CDCA2: variants seen among roughly 807,000 people sequenced by gnomAD.
CDCA2 encodes the protein cell division cycle associated 2.
In CDCA2, 44 loss-of-function variants were observed where a neutral mutation model predicts 67.0. That is an observed-to-expected ratio of 0.66 (90% confidence interval 0.52 to 0.84). CDCA2 has a LOEUF of 0.84. Among genes scored for constraint, CDCA2 ranks in the 40% least tolerant of loss-of-function variants. The pLI is 0.00. For synonymous variants in CDCA2, 447 were observed against 418.7 expected (o/e 1.07, Z -0.82); for missense variants, 1,253 against 1,203.2 (o/e 1.04, Z -0.61).
chr8:25,465,253 C>T (rs1802854733), intron 4 of CDCA2, among the ~76,000 whole-genome samples: 1 of 152,208 alleles, frequency 6.6e-6, no homozygotes. Context: ...GGATTACATG[C>T]ATGAGCCACT....
intron 13 of CDCA2, among the ~76,000 whole-genome samples, chr8:25,491,472 A>C (rs958870430): frequency 1.3e-5 from 2 of 152,200 alleles, no homozygotes; most frequent in Non-Finnish European, 2.9e-5. Context: ...CCAGAGTGGC[A>C]TCAAGACTAG....
At position 25,467,317 on chromosome 8, in the gene CDCA2, C is replaced by T. The variant is rs554143365; in HGVS notation, c.539-900C>T. On this transcript the variant is annotated intron_variant, in intron 5 of 14. Coordinates refer to ENST00000330560, the MANE Select transcript of CDCA2 (RefSeq NM_152562.4). Reference sequence around the variant, plus strand: ...AACCATCTTTAAGTGCATTTCAGCACCTCCCATGAGGATTGCTCTGTTAGC... The same window carrying T: ...AACCATCTTTAAGTGCATTTCAGCATCTCCCATGAGGATTGCTCTGTTAGC... Among the ~76,000 whole-genome samples the T allele has an allele frequency of 2.6e-5, 4 of 152,250 alleles. No individual in the cohort carries two copies. The East Asian group carries it at 7.7e-4, about 29-fold the overall frequency.
rs751771766 is a variant in CDCA2, at chr8:25,468,358, T to G, written c.680T>G (p.Phe227Cys). ...GGAAAAGTAATTGGTCTCCAGATATTCAATATTGATACAGACAGAGCATGT... is the reference window on the plus strand; with the variant it reads ...GGAAAAGTAATTGGTCTCCAGATATGCAATATTGATACAGACAGAGCATGT... The part of the protein sequence containing the change: ...AEGKVIGLQI[F>C]NIDTDRACAV... Residue 227 changes from phenylalanine (F) to cysteine (C), a missense_variant, in exon 6 of 15, where the codon TTC (phenylalanine) becomes TGC (cysteine). Physicochemically the swap from Phe to Cys is radical, Grantham distance 205. Coordinates refer to ENST00000330560, the MANE Select transcript of CDCA2 (RefSeq NM_152562.4). 2 of 1,613,674 alleles carry G rather than the reference T, an allele frequency of 1.2e-6. No individual in the cohort carries two copies. The highest frequency in any genetic ancestry group is 1.7e-5 in the Admixed American group (1 of 59,970).
In CDCA2 at chr8:25,467,155, CT is replaced by C. The variant is rs914152568; in HGVS notation, c.538+840del. Among the ~76,000 whole-genome samples, 386 of 143,542 alleles carry C rather than the reference CT, an allele frequency of 2.7e-3. 1 individual carries two copies. Among genetic ancestry groups the C allele is most frequent in the East Asian group, 8.2e-3 (38 of 4,624 alleles). The allele number at this position is 143,542 out of a possible 152,430, so 94.2% of individuals were successfully genotyped here. Reference sequence around the variant, plus strand: ...TAATTCATTTGGTTGTTTTTTCAGTCTTTTTTTTTTCCCCCCCAATCACGAA... The same window carrying C: ...TAATTCATTTGGTTGTTTTTTCAGTCTTTTTTTTTCCCCCCCAATCACGAA... On this transcript the variant is annotated intron_variant, in intron 5 of 14. Transcript: ENST00000330560.
At chr8:25,469,478 A>G (rs1803065743) in intron 6 of CDCA2, among the ~76,000 whole-genome samples, 3 of 152,204 alleles carry the variant, frequency 2.0e-5, no homozygotes, top group Admixed American at 1.3e-4. Context: ...CCTAGCCTTT[A>G]ATGTTTTTCA....
At chr8:25,483,062 T>C (rs756783936) in intron 8 of CDCA2, among the ~76,000 whole-genome samples, 6 of 152,196 alleles carry the variant, frequency 3.9e-5, no homozygotes, top group Non-Finnish European at 7.4e-5. Flanking sequence ...CCCATAGATA[T>C]TGAGCAATGA....
At chr8:25,488,440 A>G in intron 12 of CDCA2, 112 bp from the exon 13 acceptor site, 1 of 919,786 alleles carries the variant, frequency 1.1e-6, no homozygotes, top group Non-Finnish European at 1.5e-6. Flanking sequence ...TTAAGAATAA[A>G]TGGGATCTAA....
In CDCA2 at chr8:25,468,374, CAG is replaced by C; in HGVS notation, c.699_700del (p.Arg233SerfsTer5). ...TCCAGATATTCAATATTGATACAGA[CAG>C]AGCATGTGCAGTTGAAACTTCTGTA... Reference protein sequence around the residue: ...GLQIFNIDTDRACAVETSVDL... With the variant: ...GLQIFNIDTDXACAVETSVDL... On this transcript the variant is annotated frameshift_variant, in exon 6 of 15. Coordinates refer to ENST00000330560, the MANE Select transcript of CDCA2 (RefSeq NM_152562.4). LOFTEE classifies it high-confidence loss of function. The C allele has an allele frequency of 6.2e-7, 1 of 1,613,318 alleles. No homozygotes were observed. Among genetic ancestry groups the C allele is most frequent in the East Asian group, 2.2e-5 (1 of 44,838 alleles).
intron 4 of CDCA2, 83 bp from the exon 5 acceptor site, chr8:25,466,092 T>C: frequency 6.8e-6 from 9 of 1,318,506 alleles, no homozygotes; most frequent in Non-Finnish European, 9.4e-6. Context: ...CTGTATTTAA[T>C]TTTGGATTCA....
In CDCA2 at chr8:25,507,496, T is replaced by A; in HGVS notation, c.2830T>A (p.Ser944Thr). 6.2e-7 allele frequency: 1 copy of A among 1,613,860 alleles called. No individual in the cohort carries two copies. Among genetic ancestry groups the A allele is most frequent in the Non-Finnish European group, 8.5e-7 (1 of 1,179,944 alleles). ...GTCTCCCATAAAAGAAACTGTGTCC[T>A]CCAGACAAAAACCGCAGATGGCACC... Reference protein sequence around the residue: ...SMSPIKETVSSRQKPQMAPPV... With the variant: ...SMSPIKETVSTRQKPQMAPPV... The change falls in exon 15 of 15, where the codon TCC (serine) becomes ACC (threonine). Residue 944 changes from serine (S) to threonine (T), a missense_variant. By Grantham distance (58) the Ser-to-Thr change is moderately conservative. Transcript: ENST00000330560.
In CDCA2 at chr8:25,507,638, A is replaced by C; in HGVS notation, c.2972A>C (p.Gln991Pro). The C allele has an allele frequency of 6.2e-7, 1 of 1,614,244 alleles. No homozygotes were observed. The highest frequency in any genetic ancestry group is 8.5e-7 in the Non-Finnish European group (1 of 1,180,038). The change falls in exon 15 of 15, where the codon CAG (glutamine) becomes CCG (proline). Residue 991 changes from glutamine to proline, a missense_variant. Gln to Pro is a moderately conservative substitution (Grantham distance 76). Transcript: ENST00000330560. ...CTTGCAAATACTAAAGCCACTTCCC[A>C]GTTCAAAGGCTACCGGAGAAGATCC... Reference protein sequence around the residue: ...STLANTKATSQFKGYRRRSSL... With the variant: ...STLANTKATSPFKGYRRRSSL...
At chr8:25,481,096 A>G (rs1803549676) in intron 8 of CDCA2, among the ~76,000 whole-genome samples, 1 of 152,146 alleles carries the variant, frequency 6.6e-6, no homozygotes, top group Non-Finnish European at 1.5e-5. Context: ...GTCAATTGCT[A>G]TTTGTAAAGC....
chr8:25,506,646 C>T lies in CDCA2; in HGVS notation c.1980C>T (p.Cys660=). The change falls in exon 15 of 15, where the codon TGC becomes TGT. Residue 660 remains cysteine, a synonymous_variant. Coordinates refer to ENST00000330560, the MANE Select transcript of CDCA2 (RefSeq NM_152562.4). ...ATAAATATGATGTCTCTGAATTCTG[C>T]TCTTATATAAAAAGTTCCTCATCGC... is the stretch of plus-strand genomic sequence containing the variant. ...GYDKYDVSEF[C]SYIKSSSSLG... The T allele has an allele frequency of 6.2e-7, 1 of 1,613,506 alleles. No homozygotes were observed. The highest frequency in any genetic ancestry group is 2.2e-5 in the East Asian group (1 of 44,864).
At chr8:25,466,143 TA>T in intron 4 of CDCA2, 31 bp from the exon 5 acceptor site, 1 of 1,575,788 alleles carries the variant, frequency 6.3e-7, no homozygotes, top group South Asian at 1.2e-5. Context: ...GAATTGATTA[TA>T]ATACTCCTTG....
chr8:25,506,840 A>T lies in CDCA2; in HGVS notation c.2174A>T (p.Asp725Val), dbSNP rs1804700000. Reference protein sequence around the residue: ...ASVTEERVASDSPKPALTLQQ... With the variant: ...ASVTEERVASVSPKPALTLQQ... Reference sequence around the variant, plus strand: ...GTAACTGAAGAACGTGTGGCATCAGATAGTCCCAAACCTGCTCTGACCCTG... The same window carrying T: ...GTAACTGAAGAACGTGTGGCATCAGTTAGTCCCAAACCTGCTCTGACCCTG... The change falls in exon 15 of 15, where the codon GAT becomes GTT. Residue 725 changes from aspartate (D) to valine (V), a missense_variant. By Grantham distance (152) the Asp-to-Val change is radical. Coordinates refer to ENST00000330560, the MANE Select transcript of CDCA2 (RefSeq NM_152562.4). 7 of 1,613,966 alleles carry T rather than the reference A, an allele frequency of 4.3e-6. No homozygotes were observed. The highest frequency in any genetic ancestry group is 5.9e-6 in the Non-Finnish European group (7 of 1,180,032).
At chr8:25,461,364 TAGATGGAAA>T (rs1802681402) in intron 3 of CDCA2, among the ~76,000 whole-genome samples, 1 of 151,794 alleles carries the variant, frequency 6.6e-6, no homozygotes, top group African/African-American at 2.4e-5. Flanking sequence ...AAGTCTGACT[TAGATGGAAA>T]AGAAGGAAAT....
chr8:25,468,519 C>T (rs893897755), intron 6 of CDCA2, 106 bp downstream of exon 6: 24 of 692,482 alleles, frequency 3.5e-5, no homozygotes, highest in Non-Finnish European at 4.5e-5. Context: ...TTGTTCTGCC[C>T]TGTGGTTCCT....
At position 25,506,748 on chromosome 8, in the gene CDCA2, A is replaced by G; in HGVS notation, c.2082A>G (p.Ala694=). The G allele has an allele frequency of 6.2e-7, 1 of 1,613,162 alleles. No individual in the cohort carries two copies. The highest frequency in any genetic ancestry group is 1.3e-5 in the African/African-American group (1 of 74,962). The stretch of plus-strand genomic sequence containing the variant: ...ATGAAAATAAAAATATTCCAAAAGC[A>G]AAAAATAAGTCAGAAAGTGAAAATG... The part of the protein sequence containing the change: ...NINENKNIPK[A]KNKSESENEP... Residue 694 remains alanine (A), a synonymous_variant, in exon 15 of 15, where the codon GCA becomes GCG. Coordinates refer to ENST00000330560, the MANE Select transcript of CDCA2 (RefSeq NM_152562.4).
chr8:25,469,981 G>A lies in CDCA2; in HGVS notation c.820+1G>A. 3.8e-6 allele frequency: 6 copies of A among 1,593,398 alleles called. No homozygotes were observed. The highest frequency in any genetic ancestry group is 5.2e-6 in the Non-Finnish European group (6 of 1,162,634). Reference sequence around the variant, plus strand: ...TCAGAGCTCACAGAGACTTCAAATGGTAAGTAATCTTTTCTTAGTACATGG... The same window carrying A: ...TCAGAGCTCACAGAGACTTCAAATGATAAGTAATCTTTTCTTAGTACATGG... On this transcript the variant is annotated splice_donor_variant, in intron 7 of 14. Coordinates refer to ENST00000330560, the MANE Select transcript of CDCA2 (RefSeq NM_152562.4). LOFTEE classifies it high-confidence loss of function.
Sources: gnomAD v4.1 joint callset for allele counts (sites outside exome capture counted in the v4.1 genomes callset) on GRCh38, gnomAD v4.1.1 for gene constraint, MANE v1.5 for transcripts, NCBI Gene and HGNC (gene_info 2026-07-23, HGNC 2026-07-21) for gene names.